Variants in FOXP2 observed in about 807,000 individuals in gnomAD.
FOXP2 encodes forkhead box P2.
In FOXP2, 12 loss-of-function variants were observed where a neutral mutation model predicts 115.8. That is an observed-to-expected ratio of 0.10 (90% confidence interval 0.07 to 0.17). The LOEUF is 0.17. FOXP2 is among the 10% of genes least tolerant of loss of function. The pLI, the probability that FOXP2 is intolerant of heterozygous loss-of-function variation, is 1.00. For missense variants in FOXP2, 629 were observed against 843.5 expected, an observed-to-expected ratio of 0.75 and a Z score of 3.15; for synonymous variants, 328 against 297.7, an observed-to-expected ratio of 1.10 and a Z score of -1.05.
intron 8 of FOXP2, among the ~76,000 whole-genome samples, chr7:114,651,476 A>G (rs1285082523): frequency 6.6e-6 from 1 of 152,122 alleles, no homozygotes; most frequent in African/African-American, 2.4e-5. Flanking sequence ...CATACCACTC[A>G]TTAAAGAGAT....
At chr7:114,188,320 T>G (rs1201414893) in intron 1 of FOXP2, among the ~76,000 whole-genome samples, 1 of 152,218 alleles carries the variant, frequency 6.6e-6, no homozygotes, top group Admixed American at 6.5e-5. Context: ...GGTACTTTCT[T>G]CCTAGTTCAT....
chr7:114,592,785 G>C (rs1802504195), intron 3 of FOXP2, among the ~76,000 whole-genome samples: 1 of 151,832 alleles, frequency 6.6e-6, no homozygotes, highest in African/African-American at 2.4e-5. Flanking sequence ...TTTAAAATTG[G>C]CATCTTTTTA....
chr7:114,154,901 A>C (rs1792622814), intron 1 of FOXP2, among the ~76,000 whole-genome samples: 1 of 152,086 alleles, frequency 6.6e-6, no homozygotes, highest in Non-Finnish European at 1.5e-5. Flanking sequence ...GTGGGGGTTG[A>C]ACCAGAGTCT....
intron 2 of FOXP2, among the ~76,000 whole-genome samples, chr7:114,395,876 T>TA (rs1057125937): frequency 1.3e-5 from 2 of 151,948 alleles, no homozygotes; most frequent in African/African-American, 2.4e-5. Flanking sequence ...TTTCTTTTTT[T>TA]AAAAAAATTT....
intron 14 of FOXP2, among the ~76,000 whole-genome samples, chr7:114,662,991 A>C (rs1415783387): frequency 6.6e-6 from 1 of 152,168 alleles, no homozygotes; most frequent in Admixed American, 6.6e-5. Context: ...GCATTCAAGA[A>C]ATAGTTAATC....
At chr7:114,162,090 T>C (rs1485281846), upstream of FOXP2, among the ~76,000 whole-genome samples, 21 of 152,088 alleles carry the variant, frequency 1.4e-4, no homozygotes, top group Admixed American at 1.4e-3. Context: ...GCCGAAGATA[T>C]TTGTCTTAAT....
intron 2 of FOXP2, among the ~76,000 whole-genome samples, chr7:114,498,074 A>C (rs1689221500): frequency 6.6e-6 from 1 of 152,188 alleles, no homozygotes; most frequent in South Asian, 2.1e-4. Flanking sequence ...TTGACTTATA[A>C]AATGATTATA....
intron 1 of FOXP2, among the ~76,000 whole-genome samples, chr7:114,416,098 T>C (rs1793328978): frequency 1.3e-5 from 2 of 151,996 alleles, no homozygotes; most frequent in Admixed American, 6.6e-5. Flanking sequence ...GGCTATAAAT[T>C]ACCATTTCTG....
At chr7:114,418,202 A>T (rs1584710286) in intron 1 of FOXP2, among the ~76,000 whole-genome samples, 1 of 151,942 alleles carries the variant, frequency 6.6e-6, no homozygotes, top group East Asian at 1.9e-4. Context: ...CTAATTGGTT[A>T]CATAAATCTT....
intron 2 of FOXP2, among the ~76,000 whole-genome samples, chr7:114,524,093 A>G (rs1798750424): frequency 6.6e-6 from 1 of 152,152 alleles, no homozygotes; most frequent in Admixed American, 6.6e-5. Flanking sequence ...AAAATAGTAC[A>G]TATTGTTTAA....
intron 1 of FOXP2, among the ~76,000 whole-genome samples, chr7:114,276,128 G>A (rs185755195): frequency 1.3e-5 from 2 of 152,210 alleles, no homozygotes; most frequent in African/African-American, 2.4e-5. Flanking sequence ...TTGTTGAGAA[G>A]AACAGAGTGC....
In FOXP2 at chr7:114,322,779, T is replaced by C. The variant is rs1028571861; in HGVS notation, c.-11+34670T>C. ...TTGTTAGTGTCAAATGTGTTTACTGTAAATTAAGTTGTGTTGTGATATTTT... is the reference window on the plus strand; with the variant it reads ...TTGTTAGTGTCAAATGTGTTTACTGCAAATTAAGTTGTGTTGTGATATTTT... On this transcript the variant is annotated intron_variant, in intron 2 of 17. Transcript: ENST00000634411. 5.3e-5 allele frequency among the ~76,000 whole-genome samples: 8 copies of C among 152,328 alleles called. No individual in the cohort carries two copies. In the South Asian group the frequency reaches 6.2e-4, roughly 12 times the overall value.
In FOXP2 at chr7:114,489,081, A is replaced by G. The variant is rs142745055; in HGVS notation, c.169-45536A>G. Among the ~76,000 whole-genome samples, 112 of 152,276 alleles carry G rather than the reference A, an allele frequency of 7.4e-4. 1 individual carries two copies. In the East Asian group the frequency reaches 0.015, roughly 20 times the overall value. ...TCAGTGATATTTTGGGCACTTTCTA[A>G]GTGATAATCGATCTTGATTTTAGAA... On this transcript the variant is annotated intron_variant, in intron 2 of 16. Coordinates refer to ENST00000350908, the MANE Select transcript of FOXP2 (RefSeq NM_014491.4).
intron 2 of FOXP2, among the ~76,000 whole-genome samples, chr7:114,482,696 G>A (rs1013900325): frequency 3.3e-5 from 5 of 151,276 alleles, no homozygotes; most frequent in African/African-American, 1.2e-4. Flanking sequence ...TGTTTTTACT[G>A]CACAGCACAC....
intron 3 of FOXP2, among the ~76,000 whole-genome samples, chr7:114,625,623 CAA>C (rs1280537554): frequency 4.0e-5 from 6 of 151,612 alleles, no homozygotes; most frequent in African/African-American, 1.4e-4. Flanking sequence ...GGGACAGTAA[CAA>C]GAAACGATGA....
intron 2 of FOXP2, among the ~76,000 whole-genome samples, chr7:114,310,484 G>A (rs76881037): frequency 0.013 from 2,035 of 152,168 alleles, 37 homozygotes; most frequent in African/African-American, 0.038. Flanking sequence ...TCAAGTGTTA[G>A]GAGAGCATAG....
chr7:114,420,499 T>A (rs969519028), intron 1 of FOXP2, among the ~76,000 whole-genome samples: 3 of 151,940 alleles, frequency 2.0e-5, no homozygotes, highest in Non-Finnish European at 4.4e-5. Flanking sequence ...CAAGAAAATC[T>A]GTGACAGAAT....
At chr7:114,151,414 T>C (rs767077639) in intron 1 of FOXP2, among the ~76,000 whole-genome samples, 5 of 152,124 alleles carry the variant, frequency 3.3e-5, no homozygotes, top group Non-Finnish European at 7.4e-5. Context: ...TTTGTGAAAC[T>C]TCTATTTAAG....
At chr7:114,272,382 T>A (rs1284311720) in intron 1 of FOXP2, among the ~76,000 whole-genome samples, 1 of 151,816 alleles carries the variant, frequency 6.6e-6, no homozygotes, top group Non-Finnish European at 1.5e-5. Flanking sequence ...ATTAGGGTAA[T>A]GCTGGCTTCA....
Sources: gnomAD v4.1 joint callset for allele counts (sites outside exome capture counted in the v4.1 genomes callset) on GRCh38, gnomAD v4.1.1 for gene constraint, MANE v1.5 for transcripts, NCBI Gene and HGNC (gene_info 2026-07-23, HGNC 2026-07-21) for gene names.